Variants in SAMD12 observed in about 807,000 individuals in gnomAD.
SAMD12 encodes sterile alpha motif domain-containing protein 12.
A neutral mutation model predicts 15.0 loss-of-function variants in SAMD12; 9 were observed. The observed-to-expected ratio is 0.60, with a 90% CI of 0.36 to 1.05. The LOEUF is 1.05. Ranked by LOEUF, SAMD12 falls within the 50% of genes least tolerant of loss-of-function variation. The probability of loss-of-function intolerance (pLI) is 0.01; values close to 1 mark genes in which losing one functional copy is unlikely to be tolerated. For synonymous variants in SAMD12, 86 were observed against 90.1 expected (o/e 0.96, Z 0.25); for missense variants, 230 against 234.2 (o/e 0.98, Z 0.12).
At chr8:118,476,377 C>A (rs1823961115) in intron 2 of SAMD12, among the ~76,000 whole-genome samples, 1 of 152,142 alleles carries the variant, frequency 6.6e-6, no homozygotes, top group Non-Finnish European at 1.5e-5. Context: ...TTGCTAGGCA[C>A]TCTCCATTTT....
intron 2 of SAMD12, among the ~76,000 whole-genome samples, chr8:118,535,964 C>T (rs576949667): frequency 9.2e-4 from 140 of 152,354 alleles, no homozygotes; most frequent in Non-Finnish European, 1.6e-3. Flanking sequence ...CCTGCACCCA[C>T]TGTCCAACAA....
intron 1 of SAMD12, among the ~76,000 whole-genome samples, chr8:118,592,337 A>T (rs1291454006): frequency 6.6e-6 from 1 of 152,172 alleles, no homozygotes; most frequent in Non-Finnish European, 1.5e-5. Context: ...AATGAAATTC[A>T]GACTGATACC....
chr8:118,620,036 A>G (rs1828352296), intron 1 of SAMD12, among the ~76,000 whole-genome samples: 1 of 152,232 alleles, frequency 6.6e-6, no homozygotes. Context: ...CCAAGTCACT[A>G]GAAAATAAAC....
At chr8:118,190,549 G>C (rs1411730194) in exon 5 of SAMD12, 1 of 152,002 alleles carries the variant, frequency 6.6e-6, no homozygotes, top group East Asian at 1.9e-4. Flanking sequence ...GTAAAATGCT[G>C]ATTGTTACTT....
intron 4 of SAMD12, among the ~76,000 whole-genome samples, chr8:118,251,107 T>C (rs929419269): frequency 3.9e-5 from 6 of 152,052 alleles, no homozygotes; most frequent in African/African-American, 1.4e-4. Flanking sequence ...CATAGGTATG[T>C]GCATAGGGGT....
intron 4 of SAMD12, among the ~76,000 whole-genome samples, chr8:118,281,018 A>T (rs539785683): frequency 1.3e-5 from 2 of 152,298 alleles, no homozygotes; most frequent in African/African-American, 4.8e-5. Flanking sequence ...TGGACTCTTT[A>T]TATTGTTAAA....
rs11405290 is a variant in SAMD12, at chr8:118,207,378, AT to A, written c.434-9647del. Among the ~76,000 whole-genome samples, 7 of 150,328 alleles carry A rather than the reference AT, an allele frequency of 4.7e-5. No homozygotes were observed. The East Asian group carries it at 7.9e-4, about 17-fold the overall frequency. ...AGTCACTGGTAACCTCAGTGATTCC[AT>A]TTTTTTTTTGCACTGGACAGAGGCA... On this transcript the variant is annotated intron_variant, in intron 4 of 4. Transcript: ENST00000409003.
chr8:118,272,496 G>A (rs750308152), intron 4 of SAMD12, among the ~76,000 whole-genome samples: 4 of 152,168 alleles, frequency 2.6e-5, no homozygotes, highest in Non-Finnish European at 2.9e-5. Context: ...AACATTTGGC[G>A]CCTTGTTAGT....
chr8:118,421,077 T>C (rs995071520), intron 3 of SAMD12, among the ~76,000 whole-genome samples: 2 of 152,356 alleles, frequency 1.3e-5, no homozygotes, highest in Non-Finnish European at 1.5e-5. Context: ...CCTCCTAATA[T>C]GGTCTTACCT....
chr8:118,133,170 A>G, the SAMD12 span, among the ~76,000 whole-genome samples: 1 of 151,378 alleles, frequency 6.6e-6, no homozygotes, highest in Non-Finnish European at 1.5e-5. Context: ...ATTTCCTTCT[A>G]GAGTTCCTTA....
intron 3 of SAMD12, among the ~76,000 whole-genome samples, chr8:118,417,553 G>A (rs555201525): frequency 2.0e-5 from 3 of 152,258 alleles, no homozygotes; most frequent in African/African-American, 7.2e-5. Context: ...TGAATGATCT[G>A]TAAATTAGCA....
At chr8:118,451,457 T>C (rs529899161) in intron 2 of SAMD12, among the ~76,000 whole-genome samples, 5 of 152,314 alleles carry the variant, frequency 3.3e-5, no homozygotes, top group African/African-American at 9.6e-5. Flanking sequence ...CACTATACAA[T>C]AGGGCAATGC....
intron 2 of SAMD12, among the ~76,000 whole-genome samples, chr8:118,545,643 A>G (rs1040629006): frequency 6.6e-6 from 1 of 152,230 alleles, no homozygotes; most frequent in Non-Finnish European, 1.5e-5. Flanking sequence ...ATGAATCTTG[A>G]TGAACCCAAG....
At chr8:118,137,170 T>C in the SAMD12 span, among the ~76,000 whole-genome samples, 31 of 152,284 alleles carry the variant, frequency 2.0e-4, no homozygotes, top group African/African-American at 7.2e-4. Flanking sequence ...GGCCACTTGG[T>C]GTTCACTCTA....
chr8:118,234,254 G>A (rs546159996), intron 4 of SAMD12, among the ~76,000 whole-genome samples: 1 of 151,758 alleles, frequency 6.6e-6, no homozygotes, highest in African/African-American at 2.4e-5. Context: ...CTCCCTAAAA[G>A]GCCTTCCTTG....
the SAMD12 span, among the ~76,000 whole-genome samples, chr8:118,152,108 C>T: frequency 6.6e-6 from 1 of 152,032 alleles, no homozygotes; most frequent in Admixed American, 6.5e-5. Context: ...GAAAAGGGTT[C>T]AGAAAAGAGC....
intron 2 of SAMD12, among the ~76,000 whole-genome samples, chr8:118,459,825 C>T (rs965946812): frequency 1.3e-5 from 2 of 152,202 alleles, no homozygotes; most frequent in Non-Finnish European, 2.9e-5. Context: ...ATGCAAGGCA[C>T]TTTGGGATAC....
chr8:118,481,838 G>A (rs922206059), intron 2 of SAMD12, among the ~76,000 whole-genome samples: 5 of 152,138 alleles, frequency 3.3e-5, no homozygotes, highest in African/African-American at 1.2e-4. Flanking sequence ...GGAGAGACAG[G>A]AAGCTTCCAT....
the SAMD12 span, among the ~76,000 whole-genome samples, chr8:118,175,153 T>C: frequency 1.3e-5 from 2 of 151,682 alleles, no homozygotes; most frequent in African/African-American, 4.8e-5. Flanking sequence ...CATAGACCCA[T>C]GGAACAGATT....
Sources: gnomAD v4.1 joint callset for allele counts (sites outside exome capture counted in the v4.1 genomes callset) on GRCh38, gnomAD v4.1.1 for gene constraint, MANE v1.5 for transcripts, NCBI Gene and HGNC (gene_info 2026-07-23, HGNC 2026-07-21) for gene names.